The following EHBP1 variants were observed in gnomAD, a reference collection of about 807,000 sequenced individuals.
The protein encoded by EHBP1 is EH domain-binding protein 1.
EHBP1 carries 55 observed loss-of-function variants against 144.0 expected under a neutral mutation model. The ratio of observed to expected loss-of-function variants is 0.38; its 90% CI spans 0.31 to 0.48. The LOEUF is 0.48. EHBP1 is among the 20% of genes least tolerant of loss of function. The pLI, the probability that EHBP1 is intolerant of heterozygous loss-of-function variation, is 0.98. For missense variants in EHBP1, 1,200 were observed against 1,364.2 expected (o/e 0.88, Z 1.90); for synonymous variants, 469 against 472.7 (o/e 0.99, Z 0.10).
intron 10 of EHBP1, among the ~76,000 whole-genome samples, chr2:62,930,097 C>T (rs1358564248): frequency 1.3e-5 from 2 of 151,868 alleles, no homozygotes; most frequent in Non-Finnish European, 2.9e-5. Context: ...AACATTTTAA[C>T]AATTAGCCAA....
At chr2:62,756,587 T>C (rs2040303144) in intron 3 of EHBP1, among the ~76,000 whole-genome samples, 1 of 152,012 alleles carries the variant, frequency 6.6e-6, no homozygotes, top group Admixed American at 6.5e-5. Flanking sequence ...CTGACCAACA[T>C]GGTGAAACCT....
intron 19 of EHBP1, among the ~76,000 whole-genome samples, chr2:63,000,118 G>A (rs1184256015): frequency 6.6e-6 from 1 of 152,158 alleles, no homozygotes; most frequent in Non-Finnish European, 1.5e-5. Context: ...GGTGGGGCCT[G>A]GATGGTGGCC....
chr2:63,014,806 C>G (rs1245370856), intron 19 of EHBP1, among the ~76,000 whole-genome samples: 3 of 152,142 alleles, frequency 2.0e-5, no homozygotes, highest in Non-Finnish European at 4.4e-5. Flanking sequence ...GGAGAAACCC[C>G]GTCTCTACTA....
At chr2:63,004,436 T>C (rs570309330) in intron 19 of EHBP1, among the ~76,000 whole-genome samples, 2 of 152,056 alleles carry the variant, frequency 1.3e-5, no homozygotes, top group Admixed American at 6.6e-5. Context: ...GATCCTTTTT[T>C]CCCCCACAAT....
chr2:62,831,274 A>G (rs1305487116), intron 7 of EHBP1, 116 bp downstream of exon 7: 1 of 996,906 alleles, frequency 1.0e-6, no homozygotes, highest in East Asian at 2.9e-5. Context: ...TTTTTCTTTA[A>G]GCCTTTCTAC....
intron 10 of EHBP1, among the ~76,000 whole-genome samples, chr2:62,887,827 G>A (rs1301362797): frequency 1.3e-5 from 2 of 152,018 alleles, no homozygotes; most frequent in Non-Finnish European, 2.9e-5. Flanking sequence ...AGAAGTTTAG[G>A]TACATTACAA....
rs546873987 is a variant in EHBP1 at position 62,844,269 on chromosome 2, C to CA, written c.634+13116dup. Among the ~76,000 whole-genome samples the CA allele has an allele frequency of 4.0e-3, 612 of 152,174 alleles. 3 individuals are homozygous for CA. Among genetic ancestry groups the CA allele is most frequent in the Non-Finnish European group, 5.9e-3 (401 of 68,002 alleles). On this transcript the variant is annotated intron_variant, in intron 7 of 22. Coordinates refer to ENST00000431489, the MANE Select transcript of EHBP1 (RefSeq NM_001142616.3). ...CCATGGTATCTGTACTTGCACTGAT[C>CA]AAAAATCCCTACACTGTTCTGAGAC...
intron 2 of EHBP1, among the ~76,000 whole-genome samples, chr2:62,743,628 C>T (rs1211093887): frequency 2.0e-5 from 3 of 152,062 alleles, no homozygotes. Flanking sequence ...TTTCTCATGG[C>T]TTTTAAAGTT....
At chr2:62,940,731 A>C (rs978036592) in intron 10 of EHBP1, among the ~76,000 whole-genome samples, 1 of 152,040 alleles carries the variant, frequency 6.6e-6, no homozygotes, top group African/African-American at 2.4e-5. Flanking sequence ...AATTTCATCA[A>C]AGTTTCTTCA....
intron 14 of EHBP1, among the ~76,000 whole-genome samples, chr2:62,962,269 T>A (rs1360027540): frequency 6.6e-6 from 1 of 152,204 alleles, no homozygotes; most frequent in Non-Finnish European, 1.5e-5. Context: ...GAGGTTGCAG[T>A]GAGCCAAGAT....
rs1413186621 is a variant in EHBP1, at chr2:62,811,408, C to T, written c.313-14679C>T. Among the ~76,000 whole-genome samples the T allele has an allele frequency of 2.6e-5, 4 of 152,230 alleles. No homozygotes were observed. The South Asian group carries it at 6.2e-4, about 24-fold the overall frequency. ...GTGGTACTTGTGACAGCTTGGAGGA[C>T]CAGCATCACAGTTTTGAAAAGTAAG... On this transcript the variant is annotated intron_variant, in intron 5 of 22. Transcript: ENST00000431489.
intron 10 of EHBP1, among the ~76,000 whole-genome samples, chr2:62,904,810 C>A (rs1266808476): frequency 6.6e-6 from 1 of 152,130 alleles, no homozygotes; most frequent in Non-Finnish European, 1.5e-5. Context: ...GGGATGGAGT[C>A]TCTCTCTGCC....
intron 2 of EHBP1, among the ~76,000 whole-genome samples, chr2:62,744,127 CTG>C (rs1388737924): frequency 7.9e-5 from 12 of 152,104 alleles, no homozygotes; most frequent in African/African-American, 2.9e-4. Flanking sequence ...GGAAGTGTGA[CTG>C]TGCATACATT....
chr2:63,034,429 T>C (rs1464828048), intron 19 of EHBP1, among the ~76,000 whole-genome samples: 1 of 152,150 alleles, frequency 6.6e-6, no homozygotes, highest in Non-Finnish European at 1.5e-5. Context: ...TAATTACAAA[T>C]TAAAGATAAT....
In EHBP1 at chr2:62,874,402, C is replaced by G; in HGVS notation, c.1055C>G (p.Pro352Arg). ...STPPPNNLVN[P>R]VQELETERRV... Reference sequence around the variant, plus strand: ...CCTCCTCCAAATAATTTGGTAAATCCTGTTCAAGAACTAGAAACTGAAAGG... The same window carrying G: ...CCTCCTCCAAATAATTTGGTAAATCGTGTTCAAGAACTAGAAACTGAAAGG... Residue 352 changes from proline to arginine, a missense_variant, in exon 10 of 23, where the codon CCT (proline) becomes CGT (arginine). By Grantham distance (103) the Pro-to-Arg change is moderately radical. Coordinates refer to ENST00000431489, the MANE Select transcript of EHBP1 (RefSeq NM_001142616.3). 6.2e-7 allele frequency: 1 copy of G among 1,613,038 alleles called. No individual in the cohort carries two copies. Among genetic ancestry groups the G allele is most frequent in the South Asian group, 1.1e-5 (1 of 90,872 alleles).
At chr2:62,802,386 A>G (rs1250181385) in intron 5 of EHBP1, among the ~76,000 whole-genome samples, 1 of 152,144 alleles carries the variant, frequency 6.6e-6, no homozygotes, top group East Asian at 1.9e-4. Context: ...GCCTCTCACA[A>G]CAAAGAAGAA....
rs1354577620 is a variant in EHBP1 at position 63,008,543 on chromosome 2, T to C, written c.3103+11777T>C. ...GAGGAACTTAGGAATTTGCAACTTT[T>C]AGTGATATATAAATCACTGCTTTTT... On this transcript the variant is annotated intron_variant, in intron 19 of 22. Coordinates refer to ENST00000431489, the MANE Select transcript of EHBP1 (RefSeq NM_001142616.3). Among the ~76,000 whole-genome samples the C allele has an allele frequency of 2.0e-5, 3 of 151,636 alleles. No individual in the cohort carries two copies. The East Asian group carries it at 5.8e-4, about 29-fold the overall frequency.
chr2:63,002,680 A>G (rs1378060444), intron 19 of EHBP1, among the ~76,000 whole-genome samples: 1 of 152,116 alleles, frequency 6.6e-6, no homozygotes, highest in Non-Finnish European at 1.5e-5. Context: ...AGATATAAAA[A>G]AAGAAAAAGC....
rs1342846746 is a variant in EHBP1 at position 62,955,669 on chromosome 2, C to T, written c.2460+9C>T. The T allele has an allele frequency of 2.5e-6, 4 of 1,598,176 alleles. No homozygotes were observed. The highest frequency in any genetic ancestry group is 1.1e-5 in the South Asian group (1 of 87,298). On this transcript the variant is annotated intron_variant, in intron 14 of 22. Transcript: ENST00000431489. ...ACAGGCAGCTAAGTGATGTGAGGAGCATTGGTTAAAAAAGACCATAAGTTG... is the reference window on the plus strand; with the variant it reads ...ACAGGCAGCTAAGTGATGTGAGGAGTATTGGTTAAAAAAGACCATAAGTTG...
Sources: allele counts gnomAD v4.1 joint callset (sites outside exome capture counted in the v4.1 genomes callset), GRCh38; gene constraint gnomAD v4.1.1; transcripts MANE v1.5; gene names NCBI Gene and HGNC (gene_info 2026-07-23, HGNC 2026-07-21).